The following CCSER1 variants were observed in gnomAD, a reference collection of about 807,000 sequenced individuals.
The protein encoded by CCSER1 is coiled-coil serine rich protein 1.
In CCSER1, 41 loss-of-function variants were observed where a neutral mutation model predicts 82.0. That is an observed-to-expected ratio of 0.50 (90% confidence interval 0.39 to 0.65). The LOEUF is 0.65. Ranked by LOEUF, CCSER1 falls within the 30% of genes least tolerant of loss-of-function variation. The pLI is 0.00. For missense variants in CCSER1, 1,119 were observed against 1,064.2 expected, an observed-to-expected ratio of 1.05 and a Z score of -0.72; for synonymous variants, 414 against 383.9, an observed-to-expected ratio of 1.08 and a Z score of -0.92.
chr4:90,789,760 C>T (rs1174673788), intron 7 of CCSER1, among the ~76,000 whole-genome samples: 1 of 152,124 alleles, frequency 6.6e-6, no homozygotes, highest in Non-Finnish European at 1.5e-5. Context: ...TGCCTTCTAC[C>T]ATGATTATGA....
chr4:91,018,502 T>G (rs1739637119), intron 9 of CCSER1, among the ~76,000 whole-genome samples: 1 of 152,120 alleles, frequency 6.6e-6, no homozygotes, highest in Non-Finnish European at 1.5e-5. Context: ...TTAGCTAAAA[T>G]TTATATTTGG....
chr4:91,551,693 AC>A (rs1485951652), intron 10 of CCSER1, among the ~76,000 whole-genome samples: 3 of 145,686 alleles, frequency 2.1e-5, no homozygotes, highest in Non-Finnish European at 4.5e-5. Context: ...ACACACACAC[AC>A]ACACACAATC....
At chr4:90,355,982 A>T (rs770389537) in intron 3 of CCSER1, among the ~76,000 whole-genome samples, 1 of 151,920 alleles carries the variant, frequency 6.6e-6, no homozygotes, top group Non-Finnish European at 1.5e-5. Flanking sequence ...TGAAAAGTCC[A>T]TTGTCTTAAT....
intron 10 of CCSER1, among the ~76,000 whole-genome samples, chr4:91,303,563 A>T (rs1158118952): frequency 2.0e-5 from 3 of 151,978 alleles, no homozygotes; most frequent in African/African-American, 7.2e-5. Flanking sequence ...AAGTGGGAGG[A>T]TCACTTGAGT....
intron 1 of CCSER1, among the ~76,000 whole-genome samples, chr4:90,210,184 C>G (rs901632634): frequency 6.6e-6 from 1 of 152,098 alleles, no homozygotes; most frequent in Non-Finnish European, 1.5e-5. Context: ...AGTCATTTCC[C>G]TTTTCCTTCT....
At chr4:90,861,282 T>C (rs975085391) in intron 8 of CCSER1, among the ~76,000 whole-genome samples, 3 of 151,884 alleles carry the variant, frequency 2.0e-5, no homozygotes, top group East Asian at 3.9e-4. Context: ...AAAAAGCCAG[T>C]GCTAAGCACT....
chr4:90,496,301 A>G (rs1158290855), intron 5 of CCSER1, among the ~76,000 whole-genome samples: 1 of 152,204 alleles, frequency 6.6e-6, no homozygotes, highest in Non-Finnish European at 1.5e-5. Flanking sequence ...TTTATTTAAA[A>G]ATAGAAAATA....
At chr4:90,184,960 A>G (rs1001965348) in intron 1 of CCSER1, among the ~76,000 whole-genome samples, 1 of 152,072 alleles carries the variant, frequency 6.6e-6, no homozygotes, top group South Asian at 2.1e-4. Flanking sequence ...CAAAACTTCC[A>G]TATTCCTTAG....
chr4:90,885,050 T>C (rs1443262614), intron 8 of CCSER1, among the ~76,000 whole-genome samples: 1 of 152,166 alleles, frequency 6.6e-6, no homozygotes, highest in Non-Finnish European at 1.5e-5. Context: ...TTTGTCTCAT[T>C]CTGCATTATA....
At position 91,339,278 on chromosome 4, in the gene CCSER1, A is replaced by G. The variant is rs148509363; in HGVS notation, c.2217+253284A>G. ...CTTAGCACTTGCCATACTGCCAGACACTAAATGATTGTGTAATAAATATTA... is the reference window on the plus strand; with the variant it reads ...CTTAGCACTTGCCATACTGCCAGACGCTAAATGATTGTGTAATAAATATTA... On this transcript the variant is annotated intron_variant, in intron 10 of 10. Coordinates refer to ENST00000509176, the MANE Select transcript of CCSER1 (RefSeq NM_001145065.2). Among the ~76,000 whole-genome samples the G allele has an allele frequency of 2.3e-3, 344 of 152,294 alleles. 3 individuals carry two copies. The highest frequency in any genetic ancestry group is 7.9e-3 in the African/African-American group (327 of 41,570).
intron 10 of CCSER1, among the ~76,000 whole-genome samples, chr4:91,121,432 AGG>A (rs924707625): frequency 6.6e-6 from 1 of 151,754 alleles, no homozygotes; most frequent in Non-Finnish European, 1.5e-5. Flanking sequence ...GTTGTCTAAG[AGG>A]AAACTGTTCC....
intron 10 of CCSER1, among the ~76,000 whole-genome samples, chr4:91,144,227 C>G (rs908276903): frequency 1.3e-5 from 2 of 151,336 alleles, no homozygotes; most frequent in Admixed American, 6.6e-5. Context: ...CATTTTTTTT[C>G]TAGATTTTCT....
intron 10 of CCSER1, among the ~76,000 whole-genome samples, chr4:91,128,856 G>A (rs12163808): frequency 1.6e-4 from 24 of 152,172 alleles, no homozygotes; most frequent in Non-Finnish European, 2.9e-4. Flanking sequence ...AATTTTCTCA[G>A]GTGGGTAACT....
chr4:90,516,562 G>T (rs2153621265), intron 5 of CCSER1, among the ~76,000 whole-genome samples: 1 of 152,208 alleles, frequency 6.6e-6, no homozygotes, highest in Non-Finnish European at 1.5e-5. Context: ...CAAATAAAGG[G>T]AAACAGGAAA....
At chr4:91,051,816 A>G (rs188512887) in intron 9 of CCSER1, among the ~76,000 whole-genome samples, 77 of 152,260 alleles carry the variant, frequency 5.1e-4, no homozygotes, top group Non-Finnish European at 9.3e-4. Context: ...ATAATATCAT[A>G]AATGTTGCTC....
At chr4:90,394,303 C>T (rs1411659934) in intron 3 of CCSER1, among the ~76,000 whole-genome samples, 1 of 152,012 alleles carries the variant, frequency 6.6e-6, no homozygotes, top group Non-Finnish European at 1.5e-5. Context: ...ATGCCCTTTA[C>T]ATTCATTGTC....
At chr4:91,446,335 A>G (rs2204874) in intron 10 of CCSER1, among the ~76,000 whole-genome samples, 127,307 of 151,950 alleles carry the variant, frequency 0.84, 53,817 homozygotes, top group African/African-American at 0.94. Flanking sequence ...AAAGGTCATC[A>G]CTTTAGACAT....
intron 9 of CCSER1, among the ~76,000 whole-genome samples, chr4:91,040,199 A>T (rs1209689333): frequency 6.6e-6 from 1 of 152,194 alleles, no homozygotes; most frequent in Admixed American, 6.6e-5. Context: ...AGCACAAATG[A>T]CATATTTTTA....
intron 10 of CCSER1, among the ~76,000 whole-genome samples, chr4:91,247,963 T>C (rs1417304302): frequency 6.6e-6 from 1 of 152,042 alleles, no homozygotes; most frequent in Admixed American, 6.6e-5. Flanking sequence ...AGGCAGGAAG[T>C]ATACAAGATA....
Sources: gnomAD v4.1 joint callset for allele counts (sites outside exome capture counted in the v4.1 genomes callset) on GRCh38, gnomAD v4.1.1 for gene constraint, MANE v1.5 for transcripts, NCBI Gene and HGNC (gene_info 2026-07-23, HGNC 2026-07-21) for gene names.